Variants in ASIC2 observed in about 807,000 individuals in gnomAD.
ASIC2 encodes acid sensing ion channel subunit 2.
A neutral mutation model predicts 57.3 loss-of-function variants in ASIC2; 25 were observed. The observed-to-expected ratio is 0.44, with a 90% CI of 0.32 to 0.61. ASIC2 has a LOEUF of 0.61. Ranked by LOEUF, ASIC2 falls within the 20% of genes least tolerant of loss-of-function variation. The probability of loss-of-function intolerance (pLI) is 0.06; values close to 1 mark genes in which losing one functional copy is unlikely to be tolerated. For missense variants in ASIC2, 641 were observed against 738.1 expected (o/e 0.87, Z 1.52); for synonymous variants, 319 against 307.5 (o/e 1.04, Z -0.39).
chr17:33,100,013 C>G (rs538614859), intron 2 of ASIC2: 9 of 152,280 alleles, frequency 5.9e-5, no homozygotes, highest in Admixed American at 5.9e-4. Context: ...AAGACATCCC[C>G]ATTCTTCCAA....
intron 1 of ASIC2, among the ~76,000 whole-genome samples, chr17:33,922,270 G>T (rs2201034): frequency 0.036 from 5,406 of 152,044 alleles, 342 homozygotes; most frequent in East Asian, 0.31. Context: ...CATTTGTAAG[G>T]TGAGGACTCC....
intron 1 of ASIC2, among the ~76,000 whole-genome samples, chr17:33,478,240 G>A (rs962757662): frequency 6.6e-6 from 1 of 152,244 alleles, no homozygotes; most frequent in African/African-American, 2.4e-5. Flanking sequence ...GCCAAACTGT[G>A]AGAGCTCTTG....
chr17:33,044,355 T>C (rs1178471481), intron 3 of ASIC2, among the ~76,000 whole-genome samples: 2 of 151,874 alleles, frequency 1.3e-5, no homozygotes, highest in East Asian at 1.9e-4. Flanking sequence ...ACCTTCTATG[T>C]GTCCAATAAA....
At chr17:33,416,074 G>T (rs928598136) in intron 1 of ASIC2, among the ~76,000 whole-genome samples, 2 of 152,108 alleles carry the variant, frequency 1.3e-5, no homozygotes, top group Non-Finnish European at 2.9e-5. Context: ...GTGTGTTGGG[G>T]GTGGTTCTGC....
At chr17:34,135,546 C>T (rs556292305) in intron 1 of ASIC2, among the ~76,000 whole-genome samples, 93 of 152,288 alleles carry the variant, frequency 6.1e-4, no homozygotes, top group African/African-American at 2.1e-3. Flanking sequence ...ACCCAGACAT[C>T]TGTATTTTTT....
chr17:33,866,472 T>C (rs981618633), intron 1 of ASIC2, among the ~76,000 whole-genome samples: 1 of 152,210 alleles, frequency 6.6e-6, no homozygotes, highest in African/African-American at 2.4e-5. Context: ...TCCATAAATA[T>C]CCTTGTACAT....
At chr17:33,722,167 T>C (rs1033045306) in intron 1 of ASIC2, among the ~76,000 whole-genome samples, 1 of 152,136 alleles carries the variant, frequency 6.6e-6, no homozygotes, top group Non-Finnish European at 1.5e-5. Flanking sequence ...TCCCATGCTG[T>C]TCTCATGGTA....
At chr17:33,141,635 T>A (rs1904322827) in intron 1 of ASIC2, among the ~76,000 whole-genome samples, 1 of 152,210 alleles carries the variant, frequency 6.6e-6, no homozygotes, top group Non-Finnish European at 1.5e-5. Context: ...AGGGAAGAGC[T>A]GATTCCAGGG....
upstream of ASIC2, among the ~76,000 whole-genome samples, chr17:33,297,366 T>C (rs370852500): frequency 5.3e-5 from 8 of 152,242 alleles, no homozygotes; most frequent in South Asian, 8.3e-4. Flanking sequence ...CTGCGGGTGG[T>C]TGGGGGCTCT....
chr17:34,029,125 T>C (rs1907490237), intron 1 of ASIC2, among the ~76,000 whole-genome samples: 1 of 152,208 alleles, frequency 6.6e-6, no homozygotes, highest in Admixed American at 6.5e-5. Flanking sequence ...CCTCGCTATG[T>C]GGCATTCTCA....
intron 1 of ASIC2, among the ~76,000 whole-genome samples, chr17:34,017,865 A>C (rs185344995): frequency 6.6e-6 from 1 of 152,346 alleles, no homozygotes; most frequent in Admixed American, 6.5e-5. Context: ...AAAAGAAACC[A>C]TCTCCTTGTA....
chr17:33,587,609 T>G (rs1205526954), intron 1 of ASIC2, among the ~76,000 whole-genome samples: 2 of 152,220 alleles, frequency 1.3e-5, no homozygotes, highest in African/African-American at 4.8e-5. Flanking sequence ...CGTGATTGAC[T>G]GCCATGATTA....
intron 1 of ASIC2, among the ~76,000 whole-genome samples, chr17:34,055,627 T>C (rs1350921343): frequency 6.6e-6 from 1 of 152,226 alleles, no homozygotes; most frequent in Non-Finnish European, 1.5e-5. Context: ...TAAAAGCTCA[T>C]ATTCATGAAA....
chr17:33,571,796 C>T (rs1184069763), intron 1 of ASIC2, among the ~76,000 whole-genome samples: 1 of 152,194 alleles, frequency 6.6e-6, no homozygotes, highest in Non-Finnish European at 1.5e-5. Flanking sequence ...CAGTTCATCT[C>T]GGCCATTTGC....
At chr17:33,685,748 C>T (rs1908165675) in intron 1 of ASIC2, among the ~76,000 whole-genome samples, 1 of 152,160 alleles carries the variant, frequency 6.6e-6, no homozygotes, top group African/African-American at 2.4e-5. Context: ...CCTCTCAAAC[C>T]TCTAGATGGC....
At chr17:33,864,477 C>T (rs927121157) in intron 1 of ASIC2, among the ~76,000 whole-genome samples, 1 of 152,194 alleles carries the variant, frequency 6.6e-6, no homozygotes, top group Non-Finnish European at 1.5e-5. Context: ...ACCACCCAAC[C>T]AGTTCCTCTC....
At chr17:33,081,124 T>A (rs2092111612) in intron 3 of ASIC2, among the ~76,000 whole-genome samples, 1 of 152,214 alleles carries the variant, frequency 6.6e-6, no homozygotes, top group Admixed American at 6.5e-5. Flanking sequence ...CCAACAGTGC[T>A]AAGCACAATA....
chr17:33,358,704 T>A (rs1908483671), intron 1 of ASIC2, among the ~76,000 whole-genome samples: 1 of 152,224 alleles, frequency 6.6e-6, no homozygotes, highest in South Asian at 2.1e-4. Context: ...GTAGAAGGTG[T>A]TAACAGAAAG....
intron 1 of ASIC2, among the ~76,000 whole-genome samples, chr17:33,393,841 C>T (rs1909984272): frequency 6.6e-6 from 1 of 152,116 alleles, no homozygotes; most frequent in South Asian, 2.1e-4. Context: ...TGACTGAGGC[C>T]ATATGTTGCT....
Sources: allele counts gnomAD v4.1 joint callset (sites outside exome capture counted in the v4.1 genomes callset), GRCh38; gene constraint gnomAD v4.1.1; transcripts MANE v1.5; gene names NCBI Gene and HGNC (gene_info 2026-07-23, HGNC 2026-07-21).